MCTP1: variants seen among roughly 807,000 people sequenced by gnomAD.
The protein encoded by MCTP1 is multiple C2 and transmembrane domain containing 1.
A neutral mutation model predicts 120.6 loss-of-function variants in MCTP1; 69 were observed. The observed-to-expected ratio is 0.57, with a 90% confidence interval of 0.47 to 0.70. The LOEUF is 0.70. MCTP1 is among the 30% of genes least tolerant of loss of function. MCTP1 has a pLI of 0.00. For missense variants in MCTP1, 1,203 were observed against 1,248.8 expected, an observed-to-expected ratio of 0.96 and a Z score of 0.55; for synonymous variants, 529 against 493.1, an observed-to-expected ratio of 1.07 and a Z score of -0.96.
In MCTP1 at chr5:94,705,447, T is replaced by G. The variant is rs1369626088; in HGVS notation, c.*2049A>C. ...TTTGTTTAAACCAAATCTGTTTTTC[T>G]CCAAGTGACATATAGTTTTTAAGAA... On this transcript the variant is annotated 3_prime_UTR_variant, in exon 23 of 23. Coordinates refer to ENST00000515393, the MANE Select transcript of MCTP1 (RefSeq NM_024717.7). 6.8e-6 allele frequency: 1 copy of G among 147,142 alleles called. No homozygotes were observed. Among genetic ancestry groups the G allele is most frequent in the Non-Finnish European group, 1.5e-5 (1 of 66,884 alleles). 9.1% of individuals were successfully genotyped at this position (147,142 alleles called of 1,614,324 possible). A position where few individuals can be genotyped will look rare whatever the true frequency, so the allele number is the denominator to read the frequency against.
At chr5:95,098,705 T>C (rs879786624) in intron 1 of MCTP1, among the ~76,000 whole-genome samples, 5 of 150,236 alleles carry the variant, frequency 3.3e-5, no homozygotes, top group Non-Finnish European at 7.4e-5. Flanking sequence ...CCCAAGGTAA[T>C]TTATAGATTC....
intron 2 of MCTP1, among the ~76,000 whole-genome samples, chr5:94,986,759 C>T (rs1830492972): frequency 6.6e-6 from 1 of 152,144 alleles, no homozygotes; most frequent in Non-Finnish European, 1.5e-5. Context: ...GATCCAACCG[C>T]CTCGGCCTCC....
At chr5:94,943,649 G>A (rs1818247171) in intron 3 of MCTP1, among the ~76,000 whole-genome samples, 1 of 152,070 alleles carries the variant, frequency 6.6e-6, no homozygotes, top group Non-Finnish European at 1.5e-5. Context: ...TTTAGTGAGG[G>A]AGACAGACGT....
intron 2 of MCTP1, among the ~76,000 whole-genome samples, chr5:94,977,962 C>T (rs1400991738): frequency 6.6e-6 from 1 of 151,982 alleles, no homozygotes; most frequent in Non-Finnish European, 1.5e-5. Context: ...GAAATATCTG[C>T]AAATCATATA....
intron 1 of MCTP1, among the ~76,000 whole-genome samples, chr5:95,099,330 C>A (rs1756527116): frequency 6.6e-6 from 1 of 151,374 alleles, no homozygotes; most frequent in Non-Finnish European, 1.5e-5. Context: ...TCAGAGTGAA[C>A]AGGCAACCCA....
chr5:94,928,846 A>G (rs2153475081), intron 6 of MCTP1, among the ~76,000 whole-genome samples: 1 of 152,280 alleles, frequency 6.6e-6, no homozygotes, highest in South Asian at 2.1e-4. Context: ...ACCTCCAAAA[A>G]GAAAAAATAA....
intron 1 of MCTP1, among the ~76,000 whole-genome samples, chr5:95,106,159 T>C (rs1420213555): frequency 6.6e-6 from 1 of 152,174 alleles, no homozygotes; most frequent in Non-Finnish European, 1.5e-5. Context: ...AGCATGTGAT[T>C]TGGATAGAGC....
At chr5:94,849,998 C>T (rs153845) in intron 17 of MCTP1, among the ~76,000 whole-genome samples, 134,839 of 152,184 alleles carry the variant, frequency 0.89, 59,916 homozygotes, top group East Asian at 0.98. Context: ...GCAAAGGATC[C>T]GAGATGGTAA....
At chr5:94,995,545 A>G (rs989728184) in intron 2 of MCTP1, among the ~76,000 whole-genome samples, 1 of 152,234 alleles carries the variant, frequency 6.6e-6, no homozygotes, top group African/African-American at 2.4e-5. Context: ...AGTGAATTGA[A>G]GACATAGCTG....
At chr5:95,012,576 C>T (rs949731795) in intron 2 of MCTP1, among the ~76,000 whole-genome samples, 1 of 152,102 alleles carries the variant, frequency 6.6e-6, no homozygotes, top group African/African-American at 2.4e-5. Flanking sequence ...TCTCTGTCAC[C>T]TTTTGGTAAT....
At chr5:95,100,606 C>G (rs899081239) in intron 1 of MCTP1, among the ~76,000 whole-genome samples, 1 of 152,004 alleles carries the variant, frequency 6.6e-6, no homozygotes, top group South Asian at 2.1e-4. Context: ...TTAAAAATCC[C>G]AAAACTCAAG....
intron 1 of MCTP1, among the ~76,000 whole-genome samples, chr5:95,160,178 T>A (rs1350588248): frequency 1.3e-5 from 2 of 152,090 alleles, no homozygotes; most frequent in Non-Finnish European, 1.5e-5. Context: ...ATTAGACAAA[T>A]TGCAAATAGT....
chr5:95,140,617 G>A (rs182835696), intron 1 of MCTP1, among the ~76,000 whole-genome samples: 15 of 147,318 alleles, frequency 1.0e-4, no homozygotes, highest in East Asian at 4.1e-4. Context: ...CCAGTACTTC[G>A]GGAGGCCGAG....
intron 1 of MCTP1, among the ~76,000 whole-genome samples, chr5:95,198,634 T>C (rs1750657044): frequency 6.6e-6 from 1 of 152,202 alleles, no homozygotes; most frequent in Non-Finnish European, 1.5e-5. Flanking sequence ...CTATAGTTTT[T>C]AGCGTCTTTT....
intron 1 of MCTP1, among the ~76,000 whole-genome samples, chr5:95,242,442 A>T (rs1263668686): frequency 1.3e-5 from 2 of 152,144 alleles, no homozygotes; most frequent in African/African-American, 4.8e-5. Context: ...GTAATAATAA[A>T]TTTTATATTT....
chr5:94,900,035 C>T (rs558806732), intron 10 of MCTP1, among the ~76,000 whole-genome samples: 1 of 152,310 alleles, frequency 6.6e-6, no homozygotes, highest in Non-Finnish European at 1.5e-5. Flanking sequence ...TGGCTTTGCA[C>T]TATTTACGAG....
chr5:95,040,792 A>G (rs976244934), intron 1 of MCTP1, among the ~76,000 whole-genome samples: 1 of 152,180 alleles, frequency 6.6e-6, no homozygotes, highest in Admixed American at 6.5e-5. Flanking sequence ...AGCTCTTTCA[A>G]TCAGGGTAAA....
intron 1 of MCTP1, among the ~76,000 whole-genome samples, chr5:95,131,312 T>C (rs948342134): frequency 6.6e-6 from 1 of 152,102 alleles, no homozygotes; most frequent in Non-Finnish European, 1.5e-5. Context: ...AACACATTTG[T>C]TAATTGTGTT....
At position 94,996,108 on chromosome 5, in the gene MCTP1, C is replaced by T. The variant is rs573437422; in HGVS notation, c.838+21259G>A. Among the ~76,000 whole-genome samples the T allele has an allele frequency of 4.6e-5, 7 of 152,222 alleles. No individual in the cohort carries two copies. In the East Asian group the frequency reaches 1.2e-3, roughly 25 times the overall value. On this transcript the variant is annotated intron_variant, in intron 2 of 22. Transcript: ENST00000515393. ...GGCTTAAAAGACAGTTAAATGTTTT[C>T]TCTGCCTATATCACTGAGTGGGATA...
Sources: allele counts gnomAD v4.1 joint callset (sites outside exome capture counted in the v4.1 genomes callset), GRCh38; gene constraint gnomAD v4.1.1; transcripts MANE v1.5; gene names NCBI Gene and HGNC (gene_info 2026-07-23, HGNC 2026-07-21).